Variants in RNF144A observed in about 807,000 individuals in gnomAD.
RNF144A encodes ring finger protein 144A.
A neutral mutation model predicts 38.7 loss-of-function variants in RNF144A; 11 were observed. The ratio of observed to expected loss-of-function variants is 0.28; its 90% CI spans 0.18 to 0.47. The LOEUF is 0.47. RNF144A is among the 20% of genes least tolerant of loss of function. The pLI is 0.99. For missense variants in RNF144A, 316 were observed against 377.2 expected (o/e 0.84, Z 1.34); for synonymous variants, 149 against 143.9 (o/e 1.04, Z -0.25).
At position 7,007,860 on chromosome 2, in the gene RNF144A, G is replaced by A. The variant is rs58993622; in HGVS notation, c.136-6594G>A. On this transcript the variant is annotated intron_variant, in intron 3 of 8. Coordinates refer to ENST00000320892, the MANE Select transcript of RNF144A (RefSeq NM_014746.6). ...AACGGGCCGCGCTGCCCACACCACC[G>A]CTTCTCTTGCAGCTTGTTTGGAAGC... 6.4e-3 allele frequency among the ~76,000 whole-genome samples: 972 copies of A among 152,328 alleles called. 10 individuals are homozygous for A. The highest frequency in any genetic ancestry group is 0.022 in the African/African-American group (922 of 41,568).
intron 3 of RNF144A, among the ~76,000 whole-genome samples, chr2:7,000,896 T>C (rs1670056902): frequency 6.6e-6 from 1 of 151,460 alleles, no homozygotes; most frequent in Non-Finnish European, 1.5e-5. Flanking sequence ...TGCTTTGAGT[T>C]AGAATTAAAT....
At chr2:6,932,499 C>CA (rs1665267015) in intron 1 of RNF144A, among the ~76,000 whole-genome samples, 3 of 152,018 alleles carry the variant, frequency 2.0e-5, no homozygotes, top group African/African-American at 2.4e-5. Flanking sequence ...TATTCCTTTA[C>CA]AAAATTACAT....
intron 2 of RNF144A, among the ~76,000 whole-genome samples, chr2:6,990,698 G>C (rs1669308920): frequency 6.6e-6 from 1 of 151,848 alleles, no homozygotes; most frequent in Non-Finnish European, 1.5e-5. Flanking sequence ...GTAAACTTTG[G>C]TCCATAGTTT....
intron 1 of RNF144A, among the ~76,000 whole-genome samples, chr2:6,927,431 G>C (rs771291): frequency 0.2 from 30,174 of 152,134 alleles, 3,404 homozygotes; most frequent in Non-Finnish European, 0.25. Flanking sequence ...GCCTTTCCTC[G>C]GGAGGACCAG....
At chr2:7,062,998 G>A (rs1048606110) in intron 6 of RNF144A, 1 of 152,194 alleles carries the variant, frequency 6.6e-6, no homozygotes, top group Non-Finnish European at 1.5e-5. Context: ...GAAAAAAAAT[G>A]TTTGACAGTT....
chr2:6,933,358 G>A (rs191148542), intron 1 of RNF144A: 1 of 152,308 alleles, frequency 6.6e-6, no homozygotes, highest in African/African-American at 2.4e-5. Context: ...CTACTAACTT[G>A]GATTTCTATG....
intron 2 of RNF144A, among the ~76,000 whole-genome samples, chr2:6,981,416 G>A (rs1253147850): frequency 1.3e-5 from 2 of 152,036 alleles, no homozygotes; most frequent in African/African-American, 4.8e-5. Context: ...GAAAAGCCAG[G>A]TCGCATCTCG....
intron 1 of RNF144A, among the ~76,000 whole-genome samples, chr2:6,928,320 T>C (rs1017426707): frequency 5.3e-4 from 81 of 152,368 alleles, no homozygotes; most frequent in African/African-American, 1.8e-3. Flanking sequence ...ATCAAGTTCA[T>C]TGCCGCAGGC....
chr2:6,933,898 G>T (rs1316140168), intron 1 of RNF144A, among the ~76,000 whole-genome samples: 1 of 152,124 alleles, frequency 6.6e-6, no homozygotes, highest in Non-Finnish European at 1.5e-5. Context: ...CTATTGATGG[G>T]TTTGTAAGTA....
At chr2:7,047,610 C>A (rs114200243), downstream of RNF144A, among the ~76,000 whole-genome samples, 858 of 152,286 alleles carry the variant, frequency 5.6e-3, 5 homozygotes, top group African/African-American at 0.02. Context: ...CTGAGATATA[C>A]AATTCAAGTT....
intron 2 of RNF144A, among the ~76,000 whole-genome samples, chr2:6,982,656 A>C (rs1668707672): frequency 6.6e-6 from 1 of 152,210 alleles, no homozygotes; most frequent in Non-Finnish European, 1.5e-5. Context: ...GAAGAGGGAC[A>C]AGGGAGAGAG....
chr2:6,953,529 A>G (rs912221189), intron 2 of RNF144A, among the ~76,000 whole-genome samples: 4 of 152,246 alleles, frequency 2.6e-5, no homozygotes, highest in South Asian at 2.1e-4. Flanking sequence ...TTAAAATTAC[A>G]TATTTTTCTA....
chr2:6,917,871 T>TCCTGC lies in RNF144A; in HGVS notation c.-212+261_-212+265dup, dbSNP rs1382298844. Among the ~76,000 whole-genome samples the TCCTGC allele has an allele frequency of 4.0e-5, 6 of 151,010 alleles. No individual in the cohort carries two copies. Among genetic ancestry groups the TCCTGC allele is most frequent in the Admixed American group, 1.3e-4 (2 of 15,180 alleles). On this transcript the variant is annotated intron_variant, in intron 1 of 8. Transcript: ENST00000320892. This position sits in a 1 kb window ranked among gnomAD's most constrained non-coding sequence, Gnocchi z 4.8. ...GTCCCTGACCTCGTCCCTGCTCTGC[T>TCCTGC]CCTGCCCTGCCCTGCCTCTCGCAGG...
intron 6 of RNF144A, among the ~76,000 whole-genome samples, chr2:7,059,118 C>T (rs551792423): frequency 3.9e-5 from 6 of 152,154 alleles, no homozygotes; most frequent in South Asian, 2.1e-4. Flanking sequence ...GAGGCTGAGG[C>T]GGGCAGATCA....
chr2:6,927,160 G>C (rs763348116), intron 1 of RNF144A, among the ~76,000 whole-genome samples: 1 of 152,130 alleles, frequency 6.6e-6, no homozygotes, highest in African/African-American at 2.4e-5. Flanking sequence ...TTCATATGCC[G>C]AATAAATATT....
At chr2:6,929,755 G>T (rs1665089330) in intron 1 of RNF144A, among the ~76,000 whole-genome samples, 1 of 152,162 alleles carries the variant, frequency 6.6e-6, no homozygotes, top group Admixed American at 6.5e-5. Flanking sequence ...TACTGTTTAT[G>T]TAGAAATCAA....
chr2:7,039,114 G>A (rs1390674418), intron 8 of RNF144A, among the ~76,000 whole-genome samples: 1 of 151,478 alleles, frequency 6.6e-6, no homozygotes, highest in Non-Finnish European at 1.5e-5. Flanking sequence ...GTAGATGGAT[G>A]GATGGATAGA....
intron 6 of RNF144A, among the ~76,000 whole-genome samples, chr2:7,066,027 A>G (rs1057301207): frequency 2.0e-5 from 3 of 151,878 alleles, no homozygotes; most frequent in African/African-American, 7.3e-5. Context: ...TGTTTGAAAC[A>G]TTGCTGGTTC....
At chr2:6,957,108 T>G (rs890544981) in intron 2 of RNF144A, among the ~76,000 whole-genome samples, 1 of 152,180 alleles carries the variant, frequency 6.6e-6, no homozygotes, top group African/African-American at 2.4e-5. Context: ...TTTGGTGGCA[T>G]GGTTTCTCAC....
Sources: gnomAD v4.1 joint callset for allele counts (sites outside exome capture counted in the v4.1 genomes callset) on GRCh38, gnomAD v4.1.1 for gene constraint, Gnocchi (gnomAD v3.1) non-coding constraint, MANE v1.5 for transcripts, NCBI Gene and HGNC (gene_info 2026-07-23, HGNC 2026-07-21) for gene names.